Variants in CTNNA3 observed in about 807,000 individuals in gnomAD.
The protein encoded by CTNNA3 is catenin alpha 3.
In CTNNA3, 76 loss-of-function variants were observed where a neutral mutation model predicts 95.7. The ratio of observed to expected loss-of-function variants is 0.79; its 90% CI spans 0.66 to 0.96. The LOEUF is 0.96. CTNNA3 is among the 40% of genes least tolerant of loss of function. The probability of loss-of-function intolerance (pLI) is 0.00; values close to 1 mark genes in which losing one functional copy is unlikely to be tolerated. For missense variants in CTNNA3, 1,191 were observed against 1,089.8 expected (o/e 1.09, Z -1.31); for synonymous variants, 431 against 374.4 (o/e 1.15, Z -1.74).
chr10:67,601,337 C>T (rs1192678751), intron 3 of CTNNA3, among the ~76,000 whole-genome samples: 2 of 152,066 alleles, frequency 1.3e-5, no homozygotes, highest in East Asian at 1.9e-4. Flanking sequence ...AATCATCAGG[C>T]GTTAGAGTCT....
intron 15 of CTNNA3, among the ~76,000 whole-genome samples, chr10:66,029,274 C>T (rs1284938660): frequency 6.6e-6 from 1 of 152,066 alleles, no homozygotes; most frequent in African/African-American, 2.4e-5. Context: ...CTTTGCTCAA[C>T]CCCCGAAATG....
At chr10:66,020,444 G>A (rs1048888102) in intron 15 of CTNNA3, among the ~76,000 whole-genome samples, 3 of 152,196 alleles carry the variant, frequency 2.0e-5, no homozygotes, top group African/African-American at 7.2e-5. Flanking sequence ...AGCCTGCAAG[G>A]CTGACATGTT....
intron 15 of CTNNA3, among the ~76,000 whole-genome samples, chr10:66,020,900 C>T (rs966670099): frequency 1.1e-4 from 17 of 151,970 alleles, no homozygotes; most frequent in African/African-American, 4.1e-4. Context: ...GTCTCGATCT[C>T]CTGACCTCAT....
intron 5 of CTNNA3, among the ~76,000 whole-genome samples, chr10:67,278,791 T>C (rs1312589651): frequency 6.6e-6 from 1 of 152,172 alleles, no homozygotes. Flanking sequence ...CAAGGAAATA[T>C]ATTTTGGGGT....
chr10:66,131,924 T>A (rs1350768918), intron 13 of CTNNA3, among the ~76,000 whole-genome samples: 2 of 152,102 alleles, frequency 1.3e-5, no homozygotes, highest in African/African-American at 2.4e-5. Flanking sequence ...AAGACTTAAA[T>A]GTAATACCTA....
At chr10:66,662,943 A>G (rs115766102) in intron 9 of CTNNA3, among the ~76,000 whole-genome samples, 122 of 152,086 alleles carry the variant, frequency 8.0e-4, no homozygotes, top group African/African-American at 2.8e-3. Context: ...TACTACTTTC[A>G]ATTCATTCTA....
chr10:67,647,411 A>G lies in CTNNA3; in HGVS notation c.99+4T>C, dbSNP rs1172475502. 1 of 1,604,474 alleles carries G rather than the reference A, an allele frequency of 6.2e-7. No individual in the cohort carries two copies. Among genetic ancestry groups the G allele is most frequent in the Non-Finnish European group, 8.5e-7 (1 of 1,171,946 alleles). On this transcript the variant is annotated splice_donor_region_variant and intron_variant, in intron 2 of 17. Coordinates refer to ENST00000433211, the MANE Select transcript of CTNNA3 (RefSeq NM_013266.4). ...ATATATCATAATTTCCATGGTATTAATACCTGGATTATGAGAGGCTCCAGT... is the reference window on the plus strand; with the variant it reads ...ATATATCATAATTTCCATGGTATTAGTACCTGGATTATGAGAGGCTCCAGT...
intron 9 of CTNNA3, among the ~76,000 whole-genome samples, chr10:66,658,850 C>T (rs1025035214): frequency 6.6e-6 from 1 of 152,116 alleles, no homozygotes; most frequent in Non-Finnish European, 1.5e-5. Flanking sequence ...CCCACGACCA[C>T]ACCTGGCTAA....
At chr10:66,420,787 AGAC>A (rs2093185346) in intron 11 of CTNNA3, among the ~76,000 whole-genome samples, 1 of 151,150 alleles carries the variant, frequency 6.6e-6, no homozygotes, top group African/African-American at 2.5e-5. Context: ...TGACACAGCA[AGAC>A]TCTGTCTCAA....
At chr10:66,298,884 G>T (rs1589050048) in intron 12 of CTNNA3, among the ~76,000 whole-genome samples, 1 of 152,114 alleles carries the variant, frequency 6.6e-6, no homozygotes, top group African/African-American at 2.4e-5. Context: ...AAATCTTGGA[G>T]CCCCCAAATC....
chr10:67,657,007 A>G lies in CTNNA3; in HGVS notation c.-5-9489T>C, dbSNP rs933775641. 4.6e-5 allele frequency among the ~76,000 whole-genome samples: 7 copies of G among 152,362 alleles called. No individual in the cohort carries two copies. In the South Asian group the frequency reaches 1.0e-3, roughly 23 times the overall value. On this transcript the variant is annotated intron_variant, in intron 1 of 17. Coordinates refer to ENST00000433211, the MANE Select transcript of CTNNA3 (RefSeq NM_013266.4). ...AGGGACAGCCATTGGGAGTTCCCAT[A>G]GTAACCTAGATGAGATAAAATAATG...
intron 12 of CTNNA3, among the ~76,000 whole-genome samples, chr10:66,372,863 A>G (rs2092764556): frequency 6.6e-6 from 1 of 152,050 alleles, no homozygotes; most frequent in African/African-American, 2.4e-5. Context: ...TGATTCAATT[A>G]CCTCCCACTG....
chr10:66,134,938 C>G (rs1487044698), intron 13 of CTNNA3, among the ~76,000 whole-genome samples: 1 of 152,068 alleles, frequency 6.6e-6, no homozygotes. Context: ...GAATCTTGAA[C>G]TTTACATGGT....
chr10:66,243,517 C>A (rs2090187655), intron 13 of CTNNA3, among the ~76,000 whole-genome samples: 1 of 152,164 alleles, frequency 6.6e-6, no homozygotes, highest in Admixed American at 6.5e-5. Context: ...TAGATAAATT[C>A]TTTCAACCAA....
At chr10:66,719,865 T>G (rs1453564168) in intron 9 of CTNNA3, among the ~76,000 whole-genome samples, 1 of 152,120 alleles carries the variant, frequency 6.6e-6, no homozygotes, top group Non-Finnish European at 1.5e-5. Context: ...AATTTGATAT[T>G]AATCTAGATG....
intron 11 of CTNNA3, among the ~76,000 whole-genome samples, chr10:66,416,198 CT>C (rs1458132522): frequency 6.6e-6 from 1 of 151,804 alleles, no homozygotes; most frequent in Non-Finnish European, 1.5e-5. Flanking sequence ...CAACCATAGA[CT>C]AGATGAAGCA....
intron 5 of CTNNA3, among the ~76,000 whole-genome samples, chr10:67,328,226 G>A (rs1198126715): frequency 1.3e-5 from 2 of 152,140 alleles, no homozygotes; most frequent in Non-Finnish European, 2.9e-5. Flanking sequence ...TGGCTGTAGG[G>A]GCCATCCTGC....
chr10:66,016,751 C>A (rs1374182295), intron 15 of CTNNA3, among the ~76,000 whole-genome samples: 1 of 152,030 alleles, frequency 6.6e-6, no homozygotes, highest in Non-Finnish European at 1.5e-5. Flanking sequence ...AGATGTGCTT[C>A]TATTCTCATC....
chr10:67,032,617 CAGTT>C (rs2133114749), intron 7 of CTNNA3, among the ~76,000 whole-genome samples: 1 of 152,256 alleles, frequency 6.6e-6, no homozygotes, highest in Admixed American at 6.5e-5. Context: ...GTAATTTCTA[CAGTT>C]ACAATTTTTC....
Sources: allele counts gnomAD v4.1 joint callset (sites outside exome capture counted in the v4.1 genomes callset), GRCh38; gene constraint gnomAD v4.1.1; transcripts MANE v1.5; gene names NCBI Gene and HGNC (gene_info 2026-07-23, HGNC 2026-07-21).